The following TACSTD2 variants were observed in gnomAD, a reference collection of about 807,000 sequenced individuals.
The protein encoded by TACSTD2 is tumor-associated calcium signal transducer 2.
A neutral mutation model predicts 7.9 loss-of-function variants in TACSTD2; 6 were observed. The observed-to-expected ratio is 0.76, with a 90% CI of 0.42 to 1.50. TACSTD2 has a LOEUF of 1.50. Among genes scored for constraint, TACSTD2 ranks in the 40% most tolerant of loss-of-function variants. TACSTD2 has a pLI of 0.01. For missense variants in TACSTD2, 511 were observed against 471.2 expected (o/e 1.08, Z -0.78); for synonymous variants, 220 against 225.5 (o/e 0.98, Z 0.22).
chr1:58,577,029 A>G lies in TACSTD2; in HGVS notation c.128T>C (p.Val43Ala). The change falls in exon 1 of 1, where the codon GTG becomes GCG. Residue 43 changes from valine to alanine, a missense_variant. Transcript: ENST00000371225. ...NCTCPTNKMT[V>A]CSPDGPGGRC... ...GCCGCCGGGGCCGTCGGGGCTGCAC[A>G]CGGTCATCTTGTTGGTGGGACACGT... 6.4e-7 allele frequency: 1 copy of G among 1,550,532 alleles called. No homozygotes were observed. Among genetic ancestry groups the G allele is most frequent in the South Asian group, 1.2e-5 (1 of 84,862 alleles).
Position 58,575,997 on chromosome 1 carries a change from G to T in TACSTD2, c.*188C>A. The T allele has an allele frequency of 1.4e-6, 1 of 699,324 alleles. No homozygotes were observed. The highest frequency in any genetic ancestry group is 2.3e-6 in the Non-Finnish European group (1 of 430,756). The allele number at this position is 699,324 out of a possible 1,614,324, so 43.3% of individuals were successfully genotyped here. A position where few individuals can be genotyped will look rare whatever the true frequency, so the allele number is the denominator to read the frequency against. On this transcript the variant is annotated 3_prime_UTR_variant, in exon 1 of 1. Coordinates refer to ENST00000371225, the MANE Select transcript of TACSTD2 (RefSeq NM_002353.3). ...GAAATGCTTCCTTCAAGACAGAAGT[G>T]AGAAAGAAAGGAGACCCTGAGGCCA... is the stretch of plus-strand genomic sequence containing the variant.
rs1646891764 is a variant in TACSTD2 at position 58,577,209 on chromosome 1, G to A, written c.-53C>T. On this transcript the variant is annotated 5_prime_UTR_variant, in exon 1 of 1. It adds an upstream start codon to the 5' untranslated region. Transcript: ENST00000371225. ...GCGGGCGGATGAGGCGCGGGGACTC[G>A]TCGGGGCTCGGGCTCCGGCGTCTGG... 1.1e-5 allele frequency: 14 copies of A among 1,323,286 alleles called. No homozygotes were observed. The South Asian group carries it at 2.8e-4, about 27-fold the overall frequency. 82.0% of individuals were successfully genotyped at this position (1,323,286 alleles called of 1,614,324 possible). A position where few individuals can be genotyped will look rare whatever the true frequency, so the allele number is the denominator to read the frequency against.
At position 58,575,558 on chromosome 1, in the gene TACSTD2, A is replaced by G. The variant is rs1237422289; in HGVS notation, c.*627T>C. The G allele has an allele frequency of 6.6e-6, 1 of 152,290 alleles. No homozygotes were observed. Among genetic ancestry groups the G allele is most frequent in the African/African-American group, 2.4e-5 (1 of 41,454 alleles). The allele number at this position is 152,290 out of a possible 1,614,324, so 9.4% of individuals were successfully genotyped here. A position where few individuals can be genotyped will look rare whatever the true frequency, so the allele number is the denominator to read the frequency against. ...TACCAATATCAGTGGCAGTAAGGGCAAGCTGAAGAATAAATAGACTGAGTT... is the reference window on the plus strand; with the variant it reads ...TACCAATATCAGTGGCAGTAAGGGCGAGCTGAAGAATAAATAGACTGAGTT... On this transcript the variant is annotated 3_prime_UTR_variant, in exon 1 of 1. Transcript: ENST00000371225.
chr1:58,577,142 GGGGCCCC>G lies in TACSTD2; in HGVS notation c.8_14del (p.Arg3ProfsTer20). ...GCCGCAGCGGTGGCGGCGCGAGGCC[GGGGCCCC>G]GAGCCATGGTGGGGCGGAGGAACGC... On this transcript the variant is annotated frameshift_variant, in exon 1 of 1. Transcript: ENST00000371225. LOFTEE classifies it low-confidence loss of function (END_TRUNC). The G allele has an allele frequency of 7.2e-7, 1 of 1,385,470 alleles. No homozygotes were observed. Among genetic ancestry groups the G allele is most frequent in the Non-Finnish European group, 9.2e-7 (1 of 1,081,322 alleles). 85.8% of individuals were successfully genotyped at this position (1,385,470 alleles called of 1,614,324 possible). A position where few individuals can be genotyped will look rare whatever the true frequency, so the allele number is the denominator to read the frequency against.
In TACSTD2 at chr1:58,576,982, C is replaced by T. The variant is rs777212159; in HGVS notation, c.175G>A (p.Gly59Ser). The T allele has an allele frequency of 2.5e-5, 39 of 1,576,558 alleles. No individual in the cohort carries two copies. Among genetic ancestry groups the T allele is most frequent in the Middle Eastern group, 1.7e-4 (1 of 6,036 alleles). ...PGGRCQCRAL[G>S]SGMAVDCSTL... ...GAGCAGTCGACCGCCATGCCCGAGC[C>T]CAGCGCGCGGCACTGGCAGCGGCCG... is the stretch of plus-strand genomic sequence containing the variant. The change falls in exon 1 of 1, where the codon GGC (glycine) becomes AGC (serine). Residue 59 changes from glycine to serine, a missense_variant. Physicochemically the swap from Gly to Ser is moderately conservative, Grantham distance 56. Transcript: ENST00000371225.
Position 58,576,925 on chromosome 1 carries a change from C to T in TACSTD2, c.232G>A (p.Ala78Thr), listed in dbSNP as rs749859201. Residue 78 changes from alanine (A) to threonine (T), a missense_variant, in exon 1 of 1, where the codon GCG becomes ACG. Ala to Thr is a moderately conservative substitution (Grantham distance 58). Transcript: ENST00000371225. ...TLTSKCLLLK[A>T]RMSAPKNART... The stretch of plus-strand genomic sequence containing the variant: ...GCGTTCTTGGGGGCGCTCATGCGCG[C>T]CTTGAGCAGCAGACACTTGGAGGTC... 6.3e-7 allele frequency: 1 copy of T among 1,587,288 alleles called. No homozygotes were observed. The highest frequency in any genetic ancestry group is 1.1e-5 in the South Asian group (1 of 89,014).
At position 58,576,016 on chromosome 1, in the gene TACSTD2, G is replaced by A; in HGVS notation, c.*169C>T. 1 of 778,808 alleles carries A rather than the reference G, an allele frequency of 1.3e-6. No individual in the cohort carries two copies. Among genetic ancestry groups the A allele is most frequent in the Non-Finnish European group, 2.0e-6 (1 of 500,544 alleles). The allele number at this position is 778,808 out of a possible 1,614,324, so 48.2% of individuals were successfully genotyped here. The stretch of plus-strand genomic sequence containing the variant: ...AGAAGTGAGAAAGAAAGGAGACCCT[G>A]AGGCCAGGATCTATTAAACCTGGTG... On this transcript the variant is annotated 3_prime_UTR_variant, in exon 1 of 1. Transcript: ENST00000371225.
chr1:58,576,918 A>G lies in TACSTD2; in HGVS notation c.239T>C (p.Met80Thr). The G allele has an allele frequency of 3.1e-6, 5 of 1,587,906 alleles. No homozygotes were observed. Among genetic ancestry groups the G allele is most frequent in the Non-Finnish European group, 4.3e-6 (5 of 1,173,608 alleles). ...TSKCLLLKARMSAPKNARTLV... is the reference protein window; with the variant it reads ...TSKCLLLKARTSAPKNARTLV... ...CGTGCGGGCGTTCTTGGGGGCGCTC[A>G]TGCGCGCCTTGAGCAGCAGACACTT... The change falls in exon 1 of 1, where the codon ATG (methionine) becomes ACG (threonine). Residue 80 changes from methionine to threonine, a missense_variant. Physicochemically the swap from Met to Thr is moderately conservative, Grantham distance 81 (BLOSUM62 -1). Transcript: ENST00000371225.
In TACSTD2 at chr1:58,576,732, C is replaced by G. The variant is rs144588105; in HGVS notation, c.425G>C (p.Ser142Thr). The change falls in exon 1 of 1, where the codon AGC becomes ACC. Residue 142 changes from serine (S) to threonine (T), a missense_variant. Transcript: ENST00000371225. ...GVRRTDKGDL[S>T]LRCDELVRTH... ...GCGCACCAGCTCATCGCAGCGTAGG[C>G]TCAGGTCGCCCTTGTCCGTGCGGCG... is the stretch of plus-strand genomic sequence containing the variant. 5.0e-6 allele frequency: 8 copies of G among 1,600,758 alleles called. No individual in the cohort carries two copies. In the Admixed American group the frequency reaches 1.3e-4, roughly 27 times the overall value.
chr1:58,576,971 C>T lies in TACSTD2; in HGVS notation c.186G>A (p.Met62Ile). The T allele has an allele frequency of 1.9e-6, 3 of 1,579,682 alleles. No individual in the cohort carries two copies. The highest frequency in any genetic ancestry group is 2.6e-6 in the Non-Finnish European group (3 of 1,166,826). ...RCQCRALGSG[M>I]AVDCSTLTSK... is the part of the protein sequence containing the mutation. Reference sequence around the variant, plus strand: ...AGGTCAGCGTGGAGCAGTCGACCGCCATGCCCGAGCCCAGCGCGCGGCACT... The same window carrying T: ...AGGTCAGCGTGGAGCAGTCGACCGCTATGCCCGAGCCCAGCGCGCGGCACT... Residue 62 changes from methionine (M) to isoleucine (I), a missense_variant, in exon 1 of 1, where the codon ATG becomes ATA. Coordinates refer to ENST00000371225, the MANE Select transcript of TACSTD2 (RefSeq NM_002353.3).
chr1:58,576,293 G>T lies in TACSTD2; in HGVS notation c.864C>A (p.Leu288=), dbSNP rs1345899939. 1 of 1,613,326 alleles carries T rather than the reference G, an allele frequency of 6.2e-7. No individual in the cohort carries two copies. The highest frequency in any genetic ancestry group is 8.5e-7 in the Non-Finnish European group (1 of 1,179,766). Residue 288 remains leucine (L), a synonymous_variant, in exon 1 of 1, where the codon CTC becomes CTA. Coordinates refer to ENST00000371225, the MANE Select transcript of TACSTD2 (RefSeq NM_002353.3). ...IAVIVVVVVA[L]VAGMAVLVIT... is the part of the protein sequence containing the mutation. ...TCACCAGGACGGCCATGCCGGCGAC[G>T]AGGGCCACCACGACCACCACGATGA... is the stretch of plus-strand genomic sequence containing the variant.
rs776195306 is a variant in TACSTD2 at position 58,576,314 on chromosome 1, G to A, written c.843C>T (p.Ile281=). The A allele has an allele frequency of 1.2e-6, 2 of 1,613,172 alleles. No homozygotes were observed. The highest frequency in any genetic ancestry group is 1.3e-5 in the African/African-American group (1 of 75,034). ...KRLTAGLIAV[I]VVVVVALVAG... Reference sequence around the variant, plus strand: ...CGACGAGGGCCACCACGACCACCACGATGACGGCGATGAGGCCGGCGGTGA... The same window carrying A: ...CGACGAGGGCCACCACGACCACCACAATGACGGCGATGAGGCCGGCGGTGA... The change falls in exon 1 of 1, where the codon ATC becomes ATT. Residue 281 remains isoleucine, a synonymous_variant. Transcript: ENST00000371225.
In TACSTD2 at chr1:58,576,824, C is replaced by G; in HGVS notation, c.333G>C (p.Glu111Asp). ...TGCACTGGCGCGCCTTGAAGCGGCC[C>G]TCGGGGTCGCAGTCGGGGTCGTAGA... ...DGLYDPDCDP[E>D]GRFKARQCNQ... The change falls in exon 1 of 1, where the codon GAG becomes GAC. Residue 111 changes from glutamate to aspartate, a missense_variant. Glu to Asp is a conservative substitution (Grantham distance 45). Coordinates refer to ENST00000371225, the MANE Select transcript of TACSTD2 (RefSeq NM_002353.3). 1 of 1,595,982 alleles carries G rather than the reference C, an allele frequency of 6.3e-7. No homozygotes were observed. Among genetic ancestry groups the G allele is most frequent in the South Asian group, 1.1e-5 (1 of 90,202 alleles).
In TACSTD2 at chr1:58,576,068, G is replaced by A. The variant is rs1646877959; in HGVS notation, c.*117C>T. ...GTGCGCAAAAGGGAGGGGGAAGGCA[G>A]GAATTTGAAAGGATAAACGTCTCCT... is the stretch of plus-strand genomic sequence containing the variant. On this transcript the variant is annotated 3_prime_UTR_variant, in exon 1 of 1. Transcript: ENST00000371225. 1 of 1,307,858 alleles carries A rather than the reference G, an allele frequency of 7.6e-7. No individual in the cohort carries two copies. The highest frequency in any genetic ancestry group is 1.5e-5 in the South Asian group (1 of 66,790). The allele number at this position is 1,307,858 out of a possible 1,614,324, so 81.0% of individuals were successfully genotyped here. A position where few individuals can be genotyped will look rare whatever the true frequency, so the allele number is the denominator to read the frequency against.
Position 58,577,097 on chromosome 1 carries a change from C to A in TACSTD2, c.60G>T (p.Val20=). Residue 20 remains valine (V), a synonymous_variant, in exon 1 of 1, where the codon GTG becomes GTT. Transcript: ENST00000371225. ...CCGTGTGGCCGGTCACCGCCGCCAG[C>A]ACCAGCAGCAGCAGCGGCAGCCGCA... The part of the protein sequence containing the change: ...PPLRLPLLLL[V]LAAVTGHTAA... The A allele has an allele frequency of 1.4e-6, 2 of 1,456,728 alleles. No individual in the cohort carries two copies. The highest frequency in any genetic ancestry group is 1.4e-5 in the South Asian group (1 of 72,708). The allele number at this position is 1,456,728 out of a possible 1,614,324, so 90.2% of individuals were successfully genotyped here. A position where few individuals can be genotyped will look rare whatever the true frequency, so the allele number is the denominator to read the frequency against.
Position 58,576,969 on chromosome 1 carries a change from G to A in TACSTD2, c.188C>T (p.Ala63Val). Reference sequence around the variant, plus strand: ...GGAGGTCAGCGTGGAGCAGTCGACCGCCATGCCCGAGCCCAGCGCGCGGCA... The same window carrying A: ...GGAGGTCAGCGTGGAGCAGTCGACCACCATGCCCGAGCCCAGCGCGCGGCA... ...CQCRALGSGM[A>V]VDCSTLTSKC... The change falls in exon 1 of 1, where the codon GCG becomes GTG. Residue 63 changes from alanine to valine, a missense_variant. Physicochemically the swap from Ala to Val is moderately conservative, Grantham distance 64. Transcript: ENST00000371225. The A allele has an allele frequency of 6.3e-7, 1 of 1,579,930 alleles. No homozygotes were observed. Among genetic ancestry groups the A allele is most frequent in the Non-Finnish European group, 8.6e-7 (1 of 1,167,088 alleles).
chr1:58,575,892 T>C lies in TACSTD2; in HGVS notation c.*293A>G. The C allele has an allele frequency of 2.4e-6, 1 of 418,648 alleles. No homozygotes were observed. The highest frequency in any genetic ancestry group is 4.3e-5 in the East Asian group (1 of 23,356). The allele number at this position is 418,648 out of a possible 1,614,324, so 25.9% of individuals were successfully genotyped here. ...GGTTGTCATACAGATACTTGTTTTT[T>C]ACACATAACGCTATGCCATCCCTTC... On this transcript the variant is annotated 3_prime_UTR_variant, in exon 1 of 1. Coordinates refer to ENST00000371225, the MANE Select transcript of TACSTD2 (RefSeq NM_002353.3).
In TACSTD2 at chr1:58,577,215, G is replaced by T. The variant is rs1024366798; in HGVS notation, c.-59C>A. On this transcript the variant is annotated 5_prime_UTR_variant, in exon 1 of 1. Transcript: ENST00000371225. ...GGATGAGGCGCGGGGACTCGTCGGGGCTCGGGCTCCGGCGTCTGGGATGGT... is the reference window on the plus strand; with the variant it reads ...GGATGAGGCGCGGGGACTCGTCGGGTCTCGGGCTCCGGCGTCTGGGATGGT... The T allele has an allele frequency of 2.9e-5, 38 of 1,319,212 alleles. No individual in the cohort carries two copies. Among genetic ancestry groups the T allele is most frequent in the Non-Finnish European group, 3.7e-5 (38 of 1,040,988 alleles). The allele number at this position is 1,319,212 out of a possible 1,614,324, so 81.7% of individuals were successfully genotyped here.
In TACSTD2 at chr1:58,576,432, A is replaced by G. The variant is rs1646881498; in HGVS notation, c.725T>C (p.Leu242Pro). The G allele has an allele frequency of 1.2e-6, 2 of 1,613,728 alleles. No homozygotes were observed. The highest frequency in any genetic ancestry group is 1.7e-6 in the Non-Finnish European group (2 of 1,179,912). The change falls in exon 1 of 1, where the codon CTG (leucine) becomes CCG (proline). Residue 242 changes from leucine to proline, a missense_variant. Physicochemically the swap from Leu to Pro is moderately conservative, Grantham distance 98. Coordinates refer to ENST00000371225, the MANE Select transcript of TACSTD2 (RefSeq NM_002353.3). ...GGGTTCTCCGCGCACGCGCAAGTCCAGGCCGCCGCGGCCCTGGAATAGAGA... is the reference window on the plus strand; with the variant it reads ...GGGTTCTCCGCGCACGCGCAAGTCCGGGCCGCCGCGGCCCTGGAATAGAGA... ...GESLFQGRGG[L>P]DLRVRGEPLQ...
Sources: gnomAD v4.1 joint callset for allele counts on GRCh38, gnomAD v4.1.1 for gene constraint, MANE v1.5 for transcripts, NCBI Gene and HGNC (gene_info 2026-07-23, HGNC 2026-07-21) for gene names.